RAB11FIP3: variants seen among roughly 807,000 people sequenced by gnomAD.
RAB11FIP3 encodes rab11 family-interacting protein 3.
A neutral mutation model predicts 77.8 loss-of-function variants in RAB11FIP3; 17 were observed. The ratio of observed to expected loss-of-function variants is 0.22; its 90% confidence interval spans 0.15 to 0.33. The LOEUF (loss-of-function observed/expected upper bound fraction) is 0.33, where lower values mean the gene tolerates loss of function less well. Ranked by LOEUF, RAB11FIP3 falls within the 10% of genes least tolerant of loss-of-function variation. The pLI is 1.00. For missense variants in RAB11FIP3, 1,005 were observed against 1,011.2 expected, an observed-to-expected ratio of 0.99 and a Z score of 0.08; for synonymous variants, 437 against 448.2, an observed-to-expected ratio of 0.98 and a Z score of 0.31.
chr16:471,225 G>C lies in RAB11FIP3; in HGVS notation c.809-70G>C, dbSNP rs1464083812. The C allele has an allele frequency of 3.6e-6, 5 of 1,400,214 alleles. No homozygotes were observed. In the African/African-American group the frequency reaches 7.1e-5, roughly 20 times the overall value. 86.7% of individuals were successfully genotyped at this position (1,400,214 alleles called of 1,614,324 possible). A position where few individuals can be genotyped will look rare whatever the true frequency, so the allele number is the denominator to read the frequency against. On this transcript the variant is annotated intron_variant, in intron 2 of 13. Transcript: ENST00000262305. This position sits in a 1 kb window ranked among gnomAD's most constrained non-coding sequence, Gnocchi z 4.4. ...GGGGGCCTCCTTCCCAGGGAGTCCC[G>C]AGGCCGCCAGGGGTCCCGTCACTGG...
At chr16:450,942 G>T (rs144709708) in intron 1 of RAB11FIP3, among the ~76,000 whole-genome samples, 1 of 150,352 alleles carries the variant, frequency 6.7e-6, no homozygotes, top group African/African-American at 2.4e-5. Flanking sequence ...AAGGAGCCCC[G>T]CGGCCTTCTG....
chr16:473,056 T>A (rs1057359206), intron 3 of RAB11FIP3, among the ~76,000 whole-genome samples: 3 of 152,164 alleles, frequency 2.0e-5, no homozygotes, highest in Non-Finnish European at 2.9e-5. Context: ...GGCTTTGGAC[T>A]TCGGGCCTCC....
At chr16:474,714 A>C in intron 3 of RAB11FIP3, 1 of 890,356 alleles carries the variant, frequency 1.1e-6, no homozygotes, top group South Asian at 2.9e-5. Flanking sequence ...CTTTTGTGCA[A>C]ACCATTATCA....
At position 507,933 on chromosome 16, in the gene RAB11FIP3, C is replaced by G. The variant is rs2141874502; in HGVS notation, c.1499+2306C>G. Among the ~76,000 whole-genome samples the G allele has an allele frequency of 6.6e-6, 1 of 152,332 alleles. No homozygotes were observed. Among genetic ancestry groups the G allele is most frequent in the Middle Eastern group, 3.4e-3 (1 of 294 alleles). Reference sequence around the variant, plus strand: ...CCGTTTTCAGTATCATCTGCCCGTTCTGAGCCATTTGCTCTCTAGCTGTGC... The same window carrying G: ...CCGTTTTCAGTATCATCTGCCCGTTGTGAGCCATTTGCTCTCTAGCTGTGC... On this transcript the variant is annotated intron_variant, in intron 8 of 13. Transcript: ENST00000262305. This position sits in a 1 kb window ranked among gnomAD's most constrained non-coding sequence, Gnocchi z 4.6.
At chr16:428,837 G>A (rs1012709725) in intron 1 of RAB11FIP3, among the ~76,000 whole-genome samples, 5 of 152,078 alleles carry the variant, frequency 3.3e-5, no homozygotes, top group African/African-American at 1.2e-4. Context: ...GCTATTTGGG[G>A]CTGAGCTTTC....
intron 6 of RAB11FIP3, 25 bp from the exon 7 acceptor site, chr16:502,979 C>T: frequency 6.4e-7 from 1 of 1,559,200 alleles, no homozygotes; most frequent in South Asian, 1.1e-5. Context: ...CCTTTCTTCC[C>T]TCTGTTGTTG....
intron 7 of RAB11FIP3, among the ~76,000 whole-genome samples, chr16:504,017 A>T (rs1171327016): frequency 7.0e-5 from 1 of 14,324 alleles, no homozygotes; most frequent in African/African-American, 2.8e-4. Flanking sequence ...CCCCCTCACT[A>T]CCTCCTGTAC....
At chr16:428,426 C>A (rs1737242378) in intron 1 of RAB11FIP3, among the ~76,000 whole-genome samples, 1 of 152,108 alleles carries the variant, frequency 6.6e-6, no homozygotes, top group African/African-American at 2.4e-5. Flanking sequence ...GTCTCTTCTC[C>A]CAAACATACT....
At chr16:509,961 CG>C (rs2032053654) in intron 8 of RAB11FIP3, among the ~76,000 whole-genome samples, 1 of 152,270 alleles carries the variant, frequency 6.6e-6, no homozygotes, top group East Asian at 1.9e-4. Context: ...CCGCGGACCA[CG>C]TGCTCATCAG....
chr16:516,609 G>T (rs1298156188), intron 9 of RAB11FIP3, among the ~76,000 whole-genome samples: 2 of 152,240 alleles, frequency 1.3e-5, no homozygotes, highest in Non-Finnish European at 1.5e-5. Flanking sequence ...GGGCGCGGTG[G>T]CTCACGCCTG....
At chr16:486,576 C>T (rs117466974) in intron 4 of RAB11FIP3, among the ~76,000 whole-genome samples, 4,937 of 152,324 alleles carry the variant, frequency 0.032, 117 homozygotes, top group Non-Finnish European at 0.048. Context: ...TGCTAGCTAG[C>T]GCGGCTCATC....
intron 10 of RAB11FIP3, 38 bp from the exon 11 acceptor site, chr16:519,716 G>T (rs377146808): frequency 6.2e-7 from 1 of 1,604,826 alleles, no homozygotes; most frequent in East Asian, 2.2e-5. Context: ...ACAGGTAGGT[G>T]CGTGACCCGC....
At position 510,707 on chromosome 16, in the gene RAB11FIP3, G is replaced by A. The variant is rs190687913; in HGVS notation, c.1547G>A (p.Cys516Tyr). The stretch of plus-strand genomic sequence containing the variant: ...CTGAAGGAGCAGGAGCTGAGAGCCT[G>A]CGAGATGGTCCTGGAAGAGACCCGG... ...EQLKEQELRACEMVLEETRRQ... is the reference protein window; with the variant it reads ...EQLKEQELRAYEMVLEETRRQ... Residue 516 changes from cysteine to tyrosine, a missense_variant, in exon 9 of 14, where the codon TGC (cysteine) becomes TAC (tyrosine). By Grantham distance (194) the Cys-to-Tyr change is radical. Transcript: ENST00000262305. 2.9e-5 allele frequency: 47 copies of A among 1,612,804 alleles called. No individual in the cohort carries two copies. The South Asian group carries it at 4.5e-4, about 15-fold the overall frequency.
At chr16:467,280 C>A (rs1479273113) in intron 2 of RAB11FIP3, among the ~76,000 whole-genome samples, 2 of 152,194 alleles carry the variant, frequency 1.3e-5, no homozygotes, top group African/African-American at 2.4e-5. Flanking sequence ...GCAGGCCTCA[C>A]AATTCTGTCT....
At chr16:501,639 TCCC>T (rs1473711842) in intron 6 of RAB11FIP3, among the ~76,000 whole-genome samples, 1 of 115,766 alleles carries the variant, frequency 8.6e-6, no homozygotes, top group Non-Finnish European at 1.7e-5. Flanking sequence ...TGGGAGAGGG[TCCC>T]CCCATTTCAC....
chr16:493,351 A>T (rs2030772777), intron 5 of RAB11FIP3, among the ~76,000 whole-genome samples: 1 of 152,048 alleles, frequency 6.6e-6, no homozygotes, highest in South Asian at 2.1e-4. Flanking sequence ...TCCTCCCCAT[A>T]ACCCTTAGTG....
At chr16:460,078 C>A (rs866148038) in intron 1 of RAB11FIP3, among the ~76,000 whole-genome samples, 8 of 152,070 alleles carry the variant, frequency 5.3e-5, no homozygotes, top group East Asian at 1.9e-4. Context: ...GGTTTCTCCA[C>A]GTTGGTCAGG....
intron 1 of RAB11FIP3, among the ~76,000 whole-genome samples, chr16:441,894 A>C (rs1399930962): frequency 6.6e-6 from 1 of 152,228 alleles, no homozygotes; most frequent in African/African-American, 2.4e-5. Flanking sequence ...GCTGGAGTGC[A>C]GTGGCACCAT....
intron 9 of RAB11FIP3, among the ~76,000 whole-genome samples, chr16:513,676 T>A (rs1399170764): frequency 6.6e-6 from 1 of 152,242 alleles, no homozygotes; most frequent in Non-Finnish European, 1.5e-5. Context: ...CAGGTTCTTT[T>A]GCTTGTGTTC....
Sources: allele counts gnomAD v4.1 joint callset (sites outside exome capture counted in the v4.1 genomes callset), GRCh38; gene constraint gnomAD v4.1.1; non-coding constraint Gnocchi (gnomAD v3.1); transcripts MANE v1.5; gene names NCBI Gene and HGNC (gene_info 2026-07-23, HGNC 2026-07-21).